Variants in PDE5A observed in about 807,000 individuals in gnomAD.
PDE5A encodes the protein cGMP-specific 3',5'-cyclic phosphodiesterase.
Under a neutral mutation model 110.2 loss-of-function variants are expected in PDE5A, and 67 were observed. The observed-to-expected ratio is 0.61, with a 90% CI of 0.50 to 0.75. The LOEUF is 0.75. Ranked by LOEUF, PDE5A falls within the 30% of genes least tolerant of loss-of-function variation. The pLI is 0.00. For synonymous variants in PDE5A, 328 were observed against 351.2 expected, an observed-to-expected ratio of 0.93 and a Z score of 0.74; for missense variants, 862 against 1,045.1, an observed-to-expected ratio of 0.82 and a Z score of 2.42.
Position 119,607,294 on chromosome 4 carries a change from T to C in PDE5A, c.156A>G (p.Glu52=), listed in dbSNP as rs1449355684. ...TCTCAGCAAACCATGCATTGACCAT[T>C]TCTCTGCAGAACAGAACGTGCAGAC... ...FSYFVRKATR[E]MVNAWFAERV... Residue 52 remains glutamate (E), a synonymous_variant, in exon 2 of 21, where the codon GAA becomes GAG. Coordinates refer to ENST00000354960, the MANE Select transcript of PDE5A (RefSeq NM_001083.4). The C allele has an allele frequency of 1.2e-6, 2 of 1,605,352 alleles. No homozygotes were observed. The highest frequency in any genetic ancestry group is 2.2e-5 in the South Asian group (2 of 90,906).
At chr4:119,617,384 GCA>G (rs1311279574) in intron 1 of PDE5A, among the ~76,000 whole-genome samples, 1 of 151,838 alleles carries the variant, frequency 6.6e-6, no homozygotes, top group African/African-American at 2.4e-5. Context: ...ACACACACAC[GCA>G]CACACGTGTC....
At chr4:119,554,386 AT>A in intron 7 of PDE5A, among the ~76,000 whole-genome samples, 1 of 152,206 alleles carries the variant, frequency 6.6e-6, no homozygotes, top group African/African-American at 2.4e-5. Context: ...AACTTACAAT[AT>A]TTTTACCAGT....
At position 119,521,436 on chromosome 4, in the gene PDE5A, A is replaced by G. The variant is rs1726125000; in HGVS notation, c.1780-376T>C. ...CCATTTCCATGTGTCACCAACTAGG[A>G]GAGTCCAAAGGTTCACATAGGTATG... is the stretch of plus-strand genomic sequence containing the variant. On this transcript the variant is annotated intron_variant, in intron 12 of 20. Coordinates refer to ENST00000354960, the MANE Select transcript of PDE5A (RefSeq NM_001083.4). Among the ~76,000 whole-genome samples the G allele has an allele frequency of 2.0e-5, 3 of 151,332 alleles. No individual in the cohort carries two copies. The South Asian group carries it at 6.2e-4, about 31-fold the overall frequency.
intron 11 of PDE5A, among the ~76,000 whole-genome samples, chr4:119,533,763 C>T (rs1426029993): frequency 6.6e-6 from 1 of 151,978 alleles, no homozygotes; most frequent in Non-Finnish European, 1.5e-5. Context: ...ATATAGAAAG[C>T]ATGTAATAAT....
intron 1 of PDE5A, among the ~76,000 whole-genome samples, chr4:119,625,944 G>A (rs1730332734): frequency 6.6e-6 from 1 of 152,024 alleles, no homozygotes; most frequent in Non-Finnish European, 1.5e-5. Context: ...CAAATTCTTA[G>A]GTTATATTCT....
At chr4:119,516,755 C>T (rs1578735423) in intron 14 of PDE5A, among the ~76,000 whole-genome samples, 1 of 152,190 alleles carries the variant, frequency 6.6e-6, no homozygotes, top group South Asian at 2.1e-4. Flanking sequence ...GTAGCTGGGA[C>T]TACAGGCACC....
At chr4:119,579,749 G>A (rs1163171907) in intron 3 of PDE5A, among the ~76,000 whole-genome samples, 1 of 151,842 alleles carries the variant, frequency 6.6e-6, no homozygotes, top group East Asian at 1.9e-4. Context: ...TAAATGATGA[G>A]TTACTGGGTG....
intron 13 of PDE5A, among the ~76,000 whole-genome samples, chr4:119,519,985 T>A (rs1319667350): frequency 1.3e-5 from 2 of 152,240 alleles, no homozygotes; most frequent in South Asian, 4.1e-4. Flanking sequence ...ATCTTCAGAT[T>A]AGGTATATTC....
At chr4:119,604,565 T>C (rs1293304874) in intron 2 of PDE5A, among the ~76,000 whole-genome samples, 1 of 151,952 alleles carries the variant, frequency 6.6e-6, no homozygotes, top group Non-Finnish European at 1.5e-5. Context: ...CTCAAAGAGG[T>C]CATAGAGATA....
chr4:119,517,602 C>CTTTTTT (rs1725960350), intron 14 of PDE5A, among the ~76,000 whole-genome samples: 2 of 113,706 alleles, frequency 1.8e-5, no homozygotes, highest in African/African-American at 3.4e-5. Context: ...TTTTCTTTTT[C>CTTTTTT]TTTCTTTTTT....
chr4:119,610,736 G>A (rs760275610), intron 1 of PDE5A, among the ~76,000 whole-genome samples: 6 of 152,018 alleles, frequency 3.9e-5, no homozygotes, highest in African/African-American at 7.3e-5. Context: ...ATTCAGTTGC[G>A]CAGTCAAGTT....
chr4:119,628,584 C>G lies in PDE5A; in HGVS notation c.88G>C (p.Val30Leu), dbSNP rs769301807. 6.2e-7 allele frequency: 1 copy of G among 1,613,108 alleles called. No individual in the cohort carries two copies. The highest frequency in any genetic ancestry group is 8.5e-7 in the Non-Finnish European group (1 of 1,179,396). ...QKQQQRDQDS[V>L]EAWLDDHWDF... is the part of the protein sequence containing the mutation. ...CAGTGATCGTCCAGCCATGCTTCGA[C>G]CGAGTCCTGATCCCTCTGCTGCTGC... is the stretch of plus-strand genomic sequence containing the variant. The change falls in exon 1 of 21, where the codon GTC (valine) becomes CTC (leucine). Residue 30 changes from valine (V) to leucine (L), a missense_variant. Val to Leu is a conservative substitution (Grantham distance 32). Transcript: ENST00000354960.
chr4:119,505,723 GAGAAATCTGACCGCTTT>G (rs1725526494), intron 17 of PDE5A, 115 bp downstream of exon 17: 1 of 599,520 alleles, frequency 1.7e-6, no homozygotes. Flanking sequence ...CAACCCTCTG[GAGAAATCTGACCGCTTT>G]TAAGATCATC....
chr4:119,529,672 C>T (rs567095409), intron 11 of PDE5A, among the ~76,000 whole-genome samples: 1 of 152,182 alleles, frequency 6.6e-6, no homozygotes, highest in South Asian at 2.1e-4. Flanking sequence ...GGACTTATTC[C>T]TGGGATGACT....
intron 20 of PDE5A, among the ~76,000 whole-genome samples, chr4:119,500,539 A>G (rs1725268390): frequency 6.6e-6 from 1 of 152,156 alleles, no homozygotes; most frequent in Non-Finnish European, 1.5e-5. Flanking sequence ...TGATAACTCC[A>G]TGACAAATGT....
chr4:119,579,858 G>T (rs929616241), intron 3 of PDE5A, among the ~76,000 whole-genome samples: 1 of 151,950 alleles, frequency 6.6e-6, no homozygotes, highest in Non-Finnish European at 1.5e-5. Flanking sequence ...AAAAAGATCT[G>T]TGAGTTTCAC....
In PDE5A at chr4:119,498,084, A is replaced by C. The variant is rs1725146470; in HGVS notation, c.*517T>G. 1 of 152,460 alleles carries C rather than the reference A, an allele frequency of 6.6e-6. No homozygotes were observed. The highest frequency in any genetic ancestry group is 2.4e-5 in the African/African-American group (1 of 41,476). 9.4% of individuals were successfully genotyped at this position (152,460 alleles called of 1,614,324 possible). A position where few individuals can be genotyped will look rare whatever the true frequency, so the allele number is the denominator to read the frequency against. The stretch of plus-strand genomic sequence containing the variant: ...CAGAGTGCCTTAACTTTTTAAAAAA[A>C]GACACTGTTAACAAATACAATTATT... On this transcript the variant is annotated 3_prime_UTR_variant, in exon 21 of 21. Coordinates refer to ENST00000354960, the MANE Select transcript of PDE5A (RefSeq NM_001083.4).
At chr4:119,533,755 A>G (rs1228709929) in intron 11 of PDE5A, among the ~76,000 whole-genome samples, 1 of 152,196 alleles carries the variant, frequency 6.6e-6, no homozygotes, top group African/African-American at 2.4e-5. Context: ...TCAAAATCAT[A>G]TAGAAAGCAT....
At chr4:119,546,579 T>A (rs1393710222) in intron 9 of PDE5A, among the ~76,000 whole-genome samples, 2 of 152,166 alleles carry the variant, frequency 1.3e-5, no homozygotes, top group Non-Finnish European at 2.9e-5. Context: ...TCAGCTATGA[T>A]TCTTTTTACA....
Sources: gnomAD v4.1 joint callset for allele counts (sites outside exome capture counted in the v4.1 genomes callset) on GRCh38, gnomAD v4.1.1 for gene constraint, MANE v1.5 for transcripts, NCBI Gene and HGNC (gene_info 2026-07-23, HGNC 2026-07-21) for gene names.